Variants in CNTNAP2 observed in about 807,000 individuals in gnomAD.
CNTNAP2 encodes the protein contactin associated protein 2, also known as contactin-associated protein-like 2.
In CNTNAP2, 98 loss-of-function variants were observed where a neutral mutation model predicts 155.2. The ratio of observed to expected loss-of-function variants is 0.63; its 90% CI spans 0.54 to 0.75. The LOEUF is 0.75. Among genes scored for constraint, CNTNAP2 ranks in the 30% least tolerant of loss-of-function variants. The probability of loss-of-function intolerance (pLI) is 0.00; values close to 1 mark genes in which losing one functional copy is unlikely to be tolerated. For missense variants in CNTNAP2, 1,727 were observed against 1,688.1 expected (o/e 1.02, Z -0.40); for synonymous variants, 651 against 631.2 (o/e 1.03, Z -0.47).
chr7:147,018,177 C>CT (rs1313639476), intron 3 of CNTNAP2, among the ~76,000 whole-genome samples: 1 of 152,032 alleles, frequency 6.6e-6, no homozygotes, highest in Non-Finnish European at 1.5e-5. Context: ...GATAATTTAT[C>CT]TTACTAAACT....
At chr7:146,203,195 G>A (rs1402134624) in intron 1 of CNTNAP2, among the ~76,000 whole-genome samples, 1 of 152,142 alleles carries the variant, frequency 6.6e-6, no homozygotes, top group African/African-American at 2.4e-5. Context: ...CTCTAATTCA[G>A]TTCAATTCTA....
chr7:147,293,722 C>T (rs1563149297), intron 8 of CNTNAP2, among the ~76,000 whole-genome samples: 2 of 152,084 alleles, frequency 1.3e-5, no homozygotes, highest in Admixed American at 6.6e-5. Context: ...ATAAGAGCAA[C>T]ATCTGTTTCT....
At chr7:147,757,592 T>A (rs920313147) in intron 13 of CNTNAP2, among the ~76,000 whole-genome samples, 2 of 152,300 alleles carry the variant, frequency 1.3e-5, no homozygotes, top group East Asian at 3.9e-4. Flanking sequence ...TAGCACTGGA[T>A]AATCATGAAT....
intron 14 of CNTNAP2, among the ~76,000 whole-genome samples, chr7:147,975,050 G>GTATAATAC: frequency 6.7e-6 from 1 of 148,618 alleles, no homozygotes; most frequent in African/African-American, 2.5e-5. Context: ...TTTGTATTAC[G>GTATAATAC]TATAATACAA....
intron 15 of CNTNAP2, among the ~76,000 whole-genome samples, chr7:147,980,768 C>A (rs28578304): frequency 1.4e-4 from 19 of 135,662 alleles, no homozygotes; most frequent in South Asian, 2.4e-4. Flanking sequence ...ACTAAAAATA[C>A]AAAAAAAAAA....
At chr7:147,340,217 C>G (rs1429391064) in intron 9 of CNTNAP2, among the ~76,000 whole-genome samples, 1 of 152,170 alleles carries the variant, frequency 6.6e-6, no homozygotes, top group Non-Finnish European at 1.5e-5. Flanking sequence ...GGGCAGCTTC[C>G]CTTACTCCTA....
At chr7:146,457,592 C>T (rs1796576255) in intron 1 of CNTNAP2, among the ~76,000 whole-genome samples, 1 of 146,026 alleles carries the variant, frequency 6.8e-6, no homozygotes, top group South Asian at 2.2e-4. Flanking sequence ...CAACCTCTGC[C>T]TCCCAGGTTG....
chr7:147,460,680 T>C (rs1563212949), intron 10 of CNTNAP2, among the ~76,000 whole-genome samples: 1 of 151,900 alleles, frequency 6.6e-6, no homozygotes, highest in Non-Finnish European at 1.5e-5. Context: ...AGTTTTGCTT[T>C]GTTTTTTGCA....
chr7:147,121,138 T>C lies in CNTNAP2; in HGVS notation c.914T>C (p.Phe305Ser). The change falls in exon 6 of 24, where the codon TTT (phenylalanine) becomes TCT (serine). Residue 305 changes from phenylalanine to serine, a missense_variant. Phe to Ser is a radical substitution (Grantham distance 155, BLOSUM62 -2). Coordinates refer to ENST00000361727, the MANE Select transcript of CNTNAP2 (RefSeq NM_014141.6). Reference protein sequence around the residue: ...SMQHFRTNGEFDYLDLDYEIT... With the variant: ...SMQHFRTNGESDYLDLDYEIT... ...CAGCACTTCCGTACCAATGGAGAGTTTGACTACCTGGACTTGGACTATGAG... is the reference window on the plus strand; with the variant it reads ...CAGCACTTCCGTACCAATGGAGAGTCTGACTACCTGGACTTGGACTATGAG... 3 of 1,614,158 alleles carry C rather than the reference T, an allele frequency of 1.9e-6. No homozygotes were observed. Among genetic ancestry groups the C allele is most frequent in the Non-Finnish European group, 2.5e-6 (3 of 1,180,004 alleles).
intron 1 of CNTNAP2, among the ~76,000 whole-genome samples, chr7:146,250,393 T>A (rs1374977525): frequency 6.6e-6 from 1 of 152,210 alleles, no homozygotes; most frequent in African/African-American, 2.4e-5. Flanking sequence ...TGCACTGACC[T>A]TTAGCCAGGA....
At chr7:148,297,659 T>C (rs1797309598) in intron 21 of CNTNAP2, among the ~76,000 whole-genome samples, 1 of 141,986 alleles carries the variant, frequency 7.0e-6, no homozygotes, top group Admixed American at 6.9e-5. Flanking sequence ...TGATTGAATA[T>C]CTTAATTTTT....
chr7:146,741,384 A>G (rs981946530), intron 1 of CNTNAP2, among the ~76,000 whole-genome samples: 1 of 152,146 alleles, frequency 6.6e-6, no homozygotes, highest in Admixed American at 6.5e-5. Flanking sequence ...TGTGCTGGAT[A>G]TTATCATCCA....
intron 1 of CNTNAP2, among the ~76,000 whole-genome samples, chr7:146,127,636 G>A (rs1211553312): frequency 2.0e-5 from 3 of 152,008 alleles, no homozygotes; most frequent in African/African-American, 7.2e-5. Flanking sequence ...AAGCCACATG[G>A]GTGATCACGT....
At chr7:146,827,124 ATAAT>A (rs895229780) in intron 2 of CNTNAP2, among the ~76,000 whole-genome samples, 2 of 152,012 alleles carry the variant, frequency 1.3e-5, no homozygotes, top group Non-Finnish European at 2.9e-5. Context: ...TTTCCAGGAT[ATAAT>A]TAATTAATAT....
chr7:147,816,278 GC>G (rs1265446476), intron 13 of CNTNAP2, among the ~76,000 whole-genome samples: 1 of 152,162 alleles, frequency 6.6e-6, no homozygotes, highest in Non-Finnish European at 1.5e-5. Context: ...GAGCTGGAGG[GC>G]TTGAGAGAGG....
chr7:148,401,031 GA>G (rs904956123), intron 22 of CNTNAP2, among the ~76,000 whole-genome samples: 126 of 151,804 alleles, frequency 8.3e-4, no homozygotes, highest in Non-Finnish European at 1.5e-3. Flanking sequence ...ACAATGACAA[GA>G]AAAAAATATC....
intron 20 of CNTNAP2, among the ~76,000 whole-genome samples, chr7:148,236,847 G>A (rs1796048565): frequency 6.6e-6 from 1 of 152,178 alleles, no homozygotes; most frequent in African/African-American, 2.4e-5. Context: ...GAGAGTGAAG[G>A]TGCTACGCAC....
chr7:146,958,695 G>T lies in CNTNAP2; in HGVS notation c.403-85212G>T, dbSNP rs564148217. 3.9e-5 allele frequency among the ~76,000 whole-genome samples: 6 copies of T among 152,040 alleles called. No individual in the cohort carries two copies. The East Asian group carries it at 1.2e-3, about 30-fold the overall frequency. ...CCCAAAGTGCTGGGATTACAGGTGT[G>T]AGCCACCACGGCCGGCCCATTTTTA... On this transcript the variant is annotated intron_variant, in intron 3 of 23. Transcript: ENST00000361727.
Position 147,587,033 on chromosome 7 carries a change from C to T in CNTNAP2, c.1897+24776C>T, listed in dbSNP as rs928959875. Among the ~76,000 whole-genome samples, 19 of 152,174 alleles carry T rather than the reference C, an allele frequency of 1.2e-4. No individual in the cohort carries two copies. The East Asian group carries it at 1.4e-3, about 11-fold the overall frequency. Reference sequence around the variant, plus strand: ...TAGATACTGGCAACCTAACAAACCACGAGAATTTGGACAGAGGCATCCCCA... The same window carrying T: ...TAGATACTGGCAACCTAACAAACCATGAGAATTTGGACAGAGGCATCCCCA... On this transcript the variant is annotated intron_variant, in intron 12 of 23. Coordinates refer to ENST00000361727, the MANE Select transcript of CNTNAP2 (RefSeq NM_014141.6).
Sources: gnomAD v4.1 joint callset for allele counts (sites outside exome capture counted in the v4.1 genomes callset) on GRCh38, gnomAD v4.1.1 for gene constraint, MANE v1.5 for transcripts, NCBI Gene and HGNC (gene_info 2026-07-23, HGNC 2026-07-21) for gene names.